SLC4A8: variants seen among roughly 807,000 people sequenced by gnomAD.
SLC4A8 encodes electroneutral sodium bicarbonate exchanger 1.
Under a neutral mutation model 125.0 loss-of-function variants are expected in SLC4A8, and 40 were observed. The ratio of observed to expected loss-of-function variants is 0.32; its 90% CI spans 0.25 to 0.42. The LOEUF is 0.42. Among genes scored for constraint, SLC4A8 ranks in the 10% least tolerant of loss-of-function variants. The pLI, the probability that SLC4A8 is intolerant of heterozygous loss-of-function variation, is 1.00. For missense variants in SLC4A8, 863 were observed against 1,355.1 expected (o/e 0.64, Z 5.70); for synonymous variants, 456 against 476.0 (o/e 0.96, Z 0.55).
intron 17 of SLC4A8, among the ~76,000 whole-genome samples, chr12:51,486,424 C>T (rs527411957): frequency 3.9e-5 from 6 of 152,320 alleles, no homozygotes; most frequent in African/African-American, 1.2e-4. Context: ...GTAATCATGA[C>T]ATCTCTTTCG....
At chr12:51,500,787 C>T (rs1455459274) in intron 22 of SLC4A8, among the ~76,000 whole-genome samples, 5 of 151,056 alleles carry the variant, frequency 3.3e-5, no homozygotes, top group African/African-American at 4.9e-5. Flanking sequence ...CCCGGGTTCA[C>T]GCCATTCTCC....
Position 51,493,688 on chromosome 12 carries a change from G to A in SLC4A8, c.2701-16G>A. ...CCAAATTTAATTTCTGGCCTTTCTT[G>A]TCCTTTTGTCTTCAGTTTATTCCAA... is the stretch of plus-strand genomic sequence containing the variant. On this transcript the variant is annotated splice_polypyrimidine_tract_variant and intron_variant, in intron 19 of 24. Coordinates refer to ENST00000453097, the MANE Select transcript of SLC4A8 (RefSeq NM_001039960.3). The A allele has an allele frequency of 1.3e-6, 2 of 1,576,592 alleles. No individual in the cohort carries two copies. Among genetic ancestry groups the A allele is most frequent in the South Asian group, 2.2e-5 (2 of 90,238 alleles).
intron 1 of SLC4A8, among the ~76,000 whole-genome samples, chr12:51,400,092 C>G (rs1315262353): frequency 1.3e-5 from 2 of 152,130 alleles, no homozygotes; most frequent in Non-Finnish European, 2.9e-5. Context: ...CCATGCAGAC[C>G]CAAGCACTGC....
At chr12:51,478,483 TA>T (rs1950923300) in intron 16 of SLC4A8, among the ~76,000 whole-genome samples, 3 of 152,076 alleles carry the variant, frequency 2.0e-5, no homozygotes. Context: ...TATGATATTA[TA>T]AAAGACAATC....
In SLC4A8 at chr12:51,485,807, C is replaced by T. The variant is rs1188974730; in HGVS notation, c.2193C>T (p.Asp731=). 6.2e-7 allele frequency: 1 copy of T among 1,611,230 alleles called. No individual in the cohort carries two copies. Among genetic ancestry groups the T allele is most frequent in the Non-Finnish European group, 8.5e-7 (1 of 1,177,472 alleles). The change falls in exon 17 of 25, where the codon GAC becomes GAT. Residue 731 remains aspartate (D), a synonymous_variant. Coordinates refer to ENST00000453097, the MANE Select transcript of SLC4A8 (RefSeq NM_001039960.3). ...FPTRVRSMVS[D]FAVFLTIFTM... The stretch of plus-strand genomic sequence containing the variant: ...GCCAGGTACGCTCCATGGTGAGTGA[C>T]TTTGCTGTTTTCCTCACTATCTTCA...
chr12:51,480,711 AT>A, intron 16 of SLC4A8: 1 of 720,030 alleles, frequency 1.4e-6, no homozygotes, highest in Non-Finnish European at 1.7e-6. Flanking sequence ...AAGGAAAAAA[AT>A]TTACAGAAAA....
chr12:51,487,502 A>G (rs547879033), intron 17 of SLC4A8, among the ~76,000 whole-genome samples: 48 of 152,322 alleles, frequency 3.2e-4, no homozygotes, highest in African/African-American at 9.6e-4. Flanking sequence ...AATCAAATAT[A>G]ACAGTCTGTG....
intron 1 of SLC4A8, among the ~76,000 whole-genome samples, chr12:51,419,266 C>T (rs1565759030): frequency 6.6e-6 from 1 of 152,184 alleles, no homozygotes; most frequent in Non-Finnish European, 1.5e-5. Flanking sequence ...AATGAGATAG[C>T]AGTGATTACA....
intron 7 of SLC4A8, among the ~76,000 whole-genome samples, chr12:51,459,712 A>G (rs1381138317): frequency 1.3e-5 from 2 of 152,072 alleles, no homozygotes; most frequent in Non-Finnish European, 2.9e-5. Flanking sequence ...TCTACTAAAA[A>G]TACAGAAAAA....
intron 1 of SLC4A8, among the ~76,000 whole-genome samples, chr12:51,407,137 C>T (rs1325012220): frequency 6.6e-6 from 1 of 152,172 alleles, no homozygotes; most frequent in Non-Finnish European, 1.5e-5. Flanking sequence ...TGTGTCCCGG[C>T]ATGGAGGGAG....
intron 16 of SLC4A8, among the ~76,000 whole-genome samples, 175 bp from the exon 17 acceptor site, chr12:51,485,612 C>T (rs1228730165): frequency 6.6e-6 from 1 of 152,196 alleles, no homozygotes; most frequent in Admixed American, 6.5e-5. Context: ...CATATCCACA[C>T]TTTATGAGCA....
upstream of SLC4A8, among the ~76,000 whole-genome samples, chr12:51,424,063 C>CA (rs199851698): frequency 0.076 from 8,137 of 107,040 alleles, 493 homozygotes; most frequent in East Asian, 0.22. Context: ...ACAAAAAAAA[C>CA]AACAAAAAAA....
chr12:51,502,005 TA>T (rs1687405204), intron 22 of SLC4A8: 1 of 152,110 alleles, frequency 6.6e-6, no homozygotes, highest in Non-Finnish European at 1.5e-5. Flanking sequence ...TATGCACCAA[TA>T]ACACCCAGGC....
At chr12:51,453,950 A>G (rs1488758065) in intron 5 of SLC4A8, among the ~76,000 whole-genome samples, 1 of 152,170 alleles carries the variant, frequency 6.6e-6, no homozygotes, top group Non-Finnish European at 1.5e-5. Flanking sequence ...TATTCAGCAA[A>G]TGTTTTATTT....
chr12:51,481,205 C>T (rs1316653266), intron 16 of SLC4A8, among the ~76,000 whole-genome samples: 1 of 152,080 alleles, frequency 6.6e-6, no homozygotes, highest in African/African-American at 2.4e-5. Context: ...AAGTTTAGGA[C>T]CTGTGTCATT....
At chr12:51,443,855 T>A (rs1168652573) in intron 2 of SLC4A8, among the ~76,000 whole-genome samples, 2 of 152,144 alleles carry the variant, frequency 1.3e-5, no homozygotes, top group Non-Finnish European at 2.9e-5. Flanking sequence ...CATTGTACCT[T>A]AGTAGGCCCA....
At position 51,477,819 on chromosome 12, in the gene SLC4A8, T is replaced by C. The variant is rs190595211; in HGVS notation, c.2172+2613T>C. ...TTATCTGCTGTGACTAGCAGTGTTA[T>C]TTTGGATACTTTAAGAATTTCAGAT... On this transcript the variant is annotated intron_variant, in intron 16 of 24. Coordinates refer to ENST00000453097, the MANE Select transcript of SLC4A8 (RefSeq NM_001039960.3). Among the ~76,000 whole-genome samples, 136 of 152,304 alleles carry C rather than the reference T, an allele frequency of 8.9e-4. 1 individual carries two copies. The highest frequency in any genetic ancestry group is 1.8e-3 in the Non-Finnish European group (120 of 68,026).
At chr12:51,492,523 C>T (rs79571517) in intron 19 of SLC4A8, among the ~76,000 whole-genome samples, 2,054 of 152,272 alleles carry the variant, frequency 0.013, 45 homozygotes, top group African/African-American at 0.046. Flanking sequence ...ACCATGAAGG[C>T]GCGGCAGTGG....
intron 2 of SLC4A8, among the ~76,000 whole-genome samples, chr12:51,448,636 G>A (rs1027959911): frequency 2.6e-5 from 4 of 152,178 alleles, no homozygotes; most frequent in African/African-American, 9.7e-5. Flanking sequence ...GAGGGCAGTG[G>A]CACCGGAGCT....
Sources: gnomAD v4.1 joint callset for allele counts (sites outside exome capture counted in the v4.1 genomes callset) on GRCh38, gnomAD v4.1.1 for gene constraint, MANE v1.5 for transcripts, NCBI Gene and HGNC (gene_info 2026-07-23, HGNC 2026-07-21) for gene names.